Variants in ARHGAP42 observed in about 807,000 individuals in gnomAD.
ARHGAP42 encodes rho GTPase-activating protein 42.
Under a neutral mutation model 125.0 loss-of-function variants are expected in ARHGAP42, and 63 were observed. The observed-to-expected ratio is 0.50, with a 90% CI of 0.41 to 0.62. ARHGAP42 has a LOEUF of 0.62. ARHGAP42 is among the 20% of genes least tolerant of loss of function. ARHGAP42 has a pLI of 0.00. For synonymous variants in ARHGAP42, 339 were observed against 351.0 expected, an observed-to-expected ratio of 0.97 and a Z score of 0.38; for missense variants, 766 against 1,024.2, an observed-to-expected ratio of 0.75 and a Z score of 3.44.
At chr11:100,779,116 T>C (rs1324621206) in intron 2 of ARHGAP42, among the ~76,000 whole-genome samples, 1 of 152,096 alleles carries the variant, frequency 6.6e-6, no homozygotes, top group Non-Finnish European at 1.5e-5. Context: ...TGAATCACTT[T>C]AGGGTAAATA....
At chr11:100,782,828 C>T (rs1401790920) in intron 2 of ARHGAP42, among the ~76,000 whole-genome samples, 1 of 152,084 alleles carries the variant, frequency 6.6e-6, no homozygotes, top group Non-Finnish European at 1.5e-5. Flanking sequence ...ACTATTTCTG[C>T]CATTGAAATA....
chr11:100,796,780 T>C (rs1335065480), intron 3 of ARHGAP42, among the ~76,000 whole-genome samples: 1 of 149,898 alleles, frequency 6.7e-6, no homozygotes, highest in African/African-American at 2.5e-5. Flanking sequence ...TTTTTTTTTT[T>C]TTTTTTTCAG....
chr11:100,845,691 A>C (rs1865049538), intron 3 of ARHGAP42, among the ~76,000 whole-genome samples: 1 of 152,180 alleles, frequency 6.6e-6, no homozygotes, highest in Non-Finnish European at 1.5e-5. Flanking sequence ...TTTTGAAAAC[A>C]GATTTTATCC....
chr11:100,887,204 C>T (rs535729647), intron 4 of ARHGAP42, among the ~76,000 whole-genome samples: 19 of 152,298 alleles, frequency 1.2e-4, no homozygotes, highest in African/African-American at 2.4e-5. Flanking sequence ...AAGTTCTTTA[C>T]TGAGCATTCT....
chr11:100,689,049 T>C (rs998944403), intron 1 of ARHGAP42, among the ~76,000 whole-genome samples: 2 of 152,198 alleles, frequency 1.3e-5, no homozygotes, highest in African/African-American at 4.8e-5. Context: ...TAGCAAGATG[T>C]CTTGAAATTA....
rs556531458 is a variant in ARHGAP42 at position 100,972,985 on chromosome 11, G to A, written c.1551-190G>A. ...TGTTTTGCCTGTAATTATGTTTTACGTGAGTTAATGTTATCTGTTTACATC... is the reference window on the plus strand; with the variant it reads ...TGTTTTGCCTGTAATTATGTTTTACATGAGTTAATGTTATCTGTTTACATC... On this transcript the variant is annotated intron_variant, in intron 17 of 23. Transcript: ENST00000298815. 1.4e-4 allele frequency among the ~76,000 whole-genome samples: 21 copies of A among 152,142 alleles called. No homozygotes were observed. In the South Asian group the frequency reaches 3.9e-3, roughly 29 times the overall value.
intron 1 of ARHGAP42, among the ~76,000 whole-genome samples, chr11:100,744,264 C>T (rs1451494383): frequency 1.3e-5 from 2 of 152,210 alleles, no homozygotes; most frequent in Admixed American, 6.5e-5. Flanking sequence ...CCACCATGCC[C>T]AGTGAAAATT....
At chr11:100,889,709 A>G (rs556481499) in intron 4 of ARHGAP42, among the ~76,000 whole-genome samples, 1 of 152,222 alleles carries the variant, frequency 6.6e-6, no homozygotes. Context: ...AAGACAGGAA[A>G]CTCTTTTTCT....
At chr11:100,972,944 T>C (rs1375347214) in intron 17 of ARHGAP42, among the ~76,000 whole-genome samples, 2 of 152,206 alleles carry the variant, frequency 1.3e-5, no homozygotes, top group South Asian at 4.1e-4. Flanking sequence ...TAGGGGTTTT[T>C]TTCTTTAATA....
At chr11:100,740,066 A>ATTT (rs34223817) in intron 1 of ARHGAP42, among the ~76,000 whole-genome samples, 1 of 143,438 alleles carries the variant, frequency 7.0e-6, no homozygotes, top group Non-Finnish European at 1.5e-5. Context: ...TATTAGTACA[A>ATTT]TTTTTTTTTT....
At chr11:100,844,264 G>T (rs113323776) in intron 3 of ARHGAP42, among the ~76,000 whole-genome samples, 1 of 152,162 alleles carries the variant, frequency 6.6e-6, no homozygotes, top group African/African-American at 2.4e-5. Context: ...GAATGAAACT[G>T]GATCCTCATC....
chr11:100,948,571 T>C (rs1345213870), intron 11 of ARHGAP42, 36 bp downstream of exon 11: 4 of 1,457,878 alleles, frequency 2.7e-6, no homozygotes, highest in Non-Finnish European at 2.8e-6. Context: ...TTAGGTTTTA[T>C]TGTCCTAATA....
chr11:100,819,457 C>A (rs1168017160), intron 3 of ARHGAP42, among the ~76,000 whole-genome samples: 2 of 152,018 alleles, frequency 1.3e-5, no homozygotes, highest in Non-Finnish European at 2.9e-5. Context: ...CAAGTGAATG[C>A]CAGTGCATGT....
At chr11:100,794,195 G>A (rs1863650347) in intron 2 of ARHGAP42, among the ~76,000 whole-genome samples, 1 of 148,072 alleles carries the variant, frequency 6.8e-6, no homozygotes, top group African/African-American at 2.5e-5. Context: ...TAAGCATTAG[G>A]TTTGAAAAAT....
intron 1 of ARHGAP42, among the ~76,000 whole-genome samples, chr11:100,722,110 G>T (rs764547524): frequency 3.9e-5 from 6 of 152,176 alleles, no homozygotes; most frequent in Non-Finnish European, 7.3e-5. Context: ...AGTATATGGT[G>T]CTGTCAGTGT....
chr11:100,891,709 C>T (rs1205052942), intron 4 of ARHGAP42, among the ~76,000 whole-genome samples: 1 of 152,178 alleles, frequency 6.6e-6, no homozygotes, highest in African/African-American at 2.4e-5. Context: ...TCCCTAAGTG[C>T]TGGGATTACA....
At chr11:100,808,619 A>G (rs965227398) in intron 3 of ARHGAP42, among the ~76,000 whole-genome samples, 5 of 150,948 alleles carry the variant, frequency 3.3e-5, no homozygotes, top group Admixed American at 1.3e-4. Context: ...GTTAGCCAGG[A>G]TGGTCTCGAT....
chr11:100,767,309 C>G (rs1191045263), intron 1 of ARHGAP42, among the ~76,000 whole-genome samples: 1 of 152,142 alleles, frequency 6.6e-6, no homozygotes, highest in Non-Finnish European at 1.5e-5. Flanking sequence ...TACTGAGGTA[C>G]AGAGAGGCTA....
At chr11:100,833,406 C>T (rs1864707007) in intron 3 of ARHGAP42, among the ~76,000 whole-genome samples, 1 of 152,120 alleles carries the variant, frequency 6.6e-6, no homozygotes, top group Non-Finnish European at 1.5e-5. Flanking sequence ...CTTGAAATGA[C>T]ACCATGTATT....
Sources: gnomAD v4.1 joint callset for allele counts (sites outside exome capture counted in the v4.1 genomes callset) on GRCh38, gnomAD v4.1.1 for gene constraint, MANE v1.5 for transcripts, NCBI Gene and HGNC (gene_info 2026-07-23, HGNC 2026-07-21) for gene names.